Variants in RNF144B observed in about 807,000 individuals in gnomAD.
The protein encoded by RNF144B is ring finger protein 144B.
Under a neutral mutation model 40.2 loss-of-function variants are expected in RNF144B, and 25 were observed. The observed-to-expected ratio is 0.62, with a 90% confidence interval of 0.45 to 0.87. The LOEUF is 0.87. RNF144B is among the 40% of genes least tolerant of loss of function. RNF144B has a pLI of 0.00. For synonymous variants in RNF144B, 145 were observed against 136.3 expected (o/e 1.06, Z -0.44); for missense variants, 365 against 373.7 (o/e 0.98, Z 0.19).
chr6:18,411,590 G>C (rs914126034), intron 2 of RNF144B, among the ~76,000 whole-genome samples: 15 of 124,424 alleles, frequency 1.2e-4, no homozygotes, highest in African/African-American at 4.7e-4. Context: ...TGCAATCTCT[G>C]CCTCCTGGGT....
chr6:18,429,553 C>A (rs1758646823), intron 3 of RNF144B, among the ~76,000 whole-genome samples: 2 of 151,828 alleles, frequency 1.3e-5, no homozygotes, highest in African/African-American at 2.4e-5. Flanking sequence ...TTAAGAAAAT[C>A]ATGGAATAAC....
At position 18,391,910 on chromosome 6, in the gene RNF144B, T is replaced by C. The variant is rs115737325; in HGVS notation, c.-37+4280T>C. Among the ~76,000 whole-genome samples the C allele has an allele frequency of 2.1e-3, 305 of 144,312 alleles. 1 individual carries two copies. Among genetic ancestry groups the C allele is most frequent in the African/African-American group, 7.0e-3 (270 of 38,684 alleles). 94.7% of individuals were successfully genotyped at this position (144,312 alleles called of 152,430 possible). A position where few individuals can be genotyped will look rare whatever the true frequency, so the allele number is the denominator to read the frequency against. ...AGTTTGCAAATGTTAAAACTAGATG[T>C]GCCAAGGGCCAGGCGCGGTGACTTA... On this transcript the variant is annotated intron_variant, in intron 1 of 7. Coordinates refer to ENST00000259939, the MANE Select transcript of RNF144B (RefSeq NM_182757.4).
Position 18,423,265 on chromosome 6 carries a change from C to T in RNF144B, c.166-4316C>T, listed in dbSNP as rs1472505659. Among the ~76,000 whole-genome samples, 3 of 152,004 alleles carry T rather than the reference C, an allele frequency of 2.0e-5. No homozygotes were observed. In the South Asian group the frequency reaches 6.2e-4, roughly 32 times the overall value. On this transcript the variant is annotated intron_variant, in intron 2 of 7. Transcript: ENST00000259939. ...TAGCTAGAGAGGTTAATGACTGGCT[C>T]AAGATGTAGAGGAGACTTTAGAGCT...
At chr6:18,439,553 A>G in intron 3 of RNF144B, 131 bp from the exon 4 acceptor site, 1 of 653,588 alleles carries the variant, frequency 1.5e-6, no homozygotes, top group Non-Finnish European at 2.8e-6. Flanking sequence ...AACAGTGTGG[A>G]GAAAAAGAGG....
rs71536790 is a variant in RNF144B, at chr6:18,405,150, T to TTTATTATTATTA, written c.165+5466_165+5477dup. 0.16 allele frequency among the ~76,000 whole-genome samples: 23,081 copies of TTTATTATTATTA among 146,062 alleles called. 1,823 individuals are homozygous for TTTATTATTATTA. The highest frequency in any genetic ancestry group is 0.18 in the African/African-American group (7,081 of 39,804). On this transcript the variant is annotated intron_variant, in intron 2 of 7. Coordinates refer to ENST00000259939, the MANE Select transcript of RNF144B (RefSeq NM_182757.4). The surrounding 1 kb of genome is among the most constrained non-coding windows in gnomAD (Gnocchi z 4.5). ...CTTGCTTGCAAGGTTAGTTTTTTTCTTTATTATTATTATTATTATTATTAT... is the reference window on the plus strand; with the variant it reads ...CTTGCTTGCAAGGTTAGTTTTTTTCTTTATTATTATTATTATTATTATTATTATTATTATTAT...
At chr6:18,387,838 T>A (rs1794492265) in intron 1 of RNF144B, among the ~76,000 whole-genome samples, 1 of 152,336 alleles carries the variant, frequency 6.6e-6, no homozygotes, top group African/African-American at 2.4e-5. Context: ...TAAAGGAAAG[T>A]AGTTTCATTT....
intron 2 of RNF144B, among the ~76,000 whole-genome samples, chr6:18,423,924 CT>C (rs1183543168): frequency 6.6e-6 from 1 of 152,040 alleles, no homozygotes; most frequent in Admixed American, 6.6e-5. Flanking sequence ...AATTTGTTAC[CT>C]GTTAAGAAAA....
At chr6:18,455,040 A>G (rs988201189) in intron 4 of RNF144B, among the ~76,000 whole-genome samples, 1 of 152,242 alleles carries the variant, frequency 6.6e-6, no homozygotes, top group African/African-American at 2.4e-5. Context: ...ACTCTAAGTT[A>G]CATACTAACC....
rs1795149242 is a variant in RNF144B, at chr6:18,416,365, AT to A, written c.166-11212del. On this transcript the variant is annotated intron_variant, in intron 2 of 7. Coordinates refer to ENST00000259939, the MANE Select transcript of RNF144B (RefSeq NM_182757.4). This position sits in a 1 kb window ranked among gnomAD's most constrained non-coding sequence, Gnocchi z 5.5. ...ACTGCTCTGATTGGAATGTTCTTCC[AT>A]TTTAGCAAATTTGTTTGGCTTTCTT... is the stretch of plus-strand genomic sequence containing the variant. Among the ~76,000 whole-genome samples the A allele has an allele frequency of 6.6e-6, 1 of 152,210 alleles. No individual in the cohort carries two copies. The highest frequency in any genetic ancestry group is 2.4e-5 in the African/African-American group (1 of 41,452).
In RNF144B at chr6:18,450,550, C is replaced by T. The variant is rs113732745; in HGVS notation, c.332-6605C>T. Among the ~76,000 whole-genome samples, 148 of 152,224 alleles carry T rather than the reference C, an allele frequency of 9.7e-4. No homozygotes were observed. The highest frequency in any genetic ancestry group is 3.3e-3 in the African/African-American group (139 of 41,536). ...CTGACCTCAGGTGATCCACCCACCTCGGCCTCCCAAAGTGCTAGGATTACA... is the reference window on the plus strand; with the variant it reads ...CTGACCTCAGGTGATCCACCCACCTTGGCCTCCCAAAGTGCTAGGATTACA... On this transcript the variant is annotated intron_variant, in intron 4 of 7. Coordinates refer to ENST00000259939, the MANE Select transcript of RNF144B (RefSeq NM_182757.4). This position sits in a 1 kb window ranked among gnomAD's most constrained non-coding sequence, Gnocchi z 4.7.
intron 3 of RNF144B, 128 bp from the exon 4 acceptor site, chr6:18,439,556 A>C (rs1211424985): frequency 3.0e-6 from 2 of 667,288 alleles, no homozygotes; most frequent in African/African-American, 3.6e-5. Context: ...AGTGTGGAGA[A>C]AAAGAGGTTT....
At position 18,400,443 on chromosome 6, in the gene RNF144B, A is replaced by G. The variant is rs1269904510; in HGVS notation, c.165+744A>G. On this transcript the variant is annotated intron_variant, in intron 2 of 7. Coordinates refer to ENST00000259939, the MANE Select transcript of RNF144B (RefSeq NM_182757.4). The surrounding 1 kb of genome is among the most constrained non-coding windows in gnomAD (Gnocchi z 5.6). ...TACATGATATAAATTGTACTTTGTC[A>G]TAGCTCCTTTTATGCTGTTTTCACA... Among the ~76,000 whole-genome samples the G allele has an allele frequency of 6.6e-6, 1 of 152,160 alleles. No individual in the cohort carries two copies. Among genetic ancestry groups the G allele is most frequent in the Non-Finnish European group, 1.5e-5 (1 of 68,012 alleles).
rs1338932996 is a variant in RNF144B, at chr6:18,450,832, A to C, written c.332-6323A>C. On this transcript the variant is annotated intron_variant, in intron 4 of 7. Coordinates refer to ENST00000259939, the MANE Select transcript of RNF144B (RefSeq NM_182757.4). The surrounding 1 kb of genome is among the most constrained non-coding windows in gnomAD (Gnocchi z 4.7). ...TACAGCTTCTAAATGCTGCCTGCAA[A>C]GTTGCTACCTCAGGGATTTTTTAAA... 6.6e-6 allele frequency among the ~76,000 whole-genome samples: 1 copy of C among 152,192 alleles called. No individual in the cohort carries two copies. The highest frequency in any genetic ancestry group is 6.5e-5 in the Admixed American group (1 of 15,280).
At chr6:18,435,281 T>C (rs941288913) in intron 3 of RNF144B, among the ~76,000 whole-genome samples, 2 of 152,220 alleles carry the variant, frequency 1.3e-5, no homozygotes, top group Non-Finnish European at 2.9e-5. Flanking sequence ...TAGTGGTCTC[T>C]TGATAGCTGA....
intron 2 of RNF144B, among the ~76,000 whole-genome samples, chr6:18,407,948 T>C (rs1794946131): frequency 6.6e-6 from 1 of 150,656 alleles, no homozygotes; most frequent in African/African-American, 2.4e-5. Context: ...AAATGGTGGC[T>C]TGGTTTGGAA....
At chr6:18,427,438 C>A in intron 2 of RNF144B, 143 bp from the exon 3 acceptor site, 1 of 554,958 alleles carries the variant, frequency 1.8e-6, no homozygotes, top group Non-Finnish European at 3.2e-6. Context: ...TCTTAGTATT[C>A]ACACTTGTGA....
rs1795222803 is a variant in RNF144B, at chr6:18,419,954, G to C, written c.166-7627G>C. 6.6e-6 allele frequency among the ~76,000 whole-genome samples: 1 copy of C among 152,150 alleles called. No homozygotes were observed. The highest frequency in any genetic ancestry group is 1.5e-5 in the Non-Finnish European group (1 of 68,030). ...TAATGAATAGGTAAATTTCCTGAAA[G>C]GCAGGAGGAGATGGGAACCAGAAAA... On this transcript the variant is annotated intron_variant, in intron 2 of 7. Coordinates refer to ENST00000259939, the MANE Select transcript of RNF144B (RefSeq NM_182757.4). This position sits in a 1 kb window ranked among gnomAD's most constrained non-coding sequence, Gnocchi z 4.6.
chr6:18,428,527 C>T (rs1300951818), intron 3 of RNF144B, among the ~76,000 whole-genome samples: 1 of 151,896 alleles, frequency 6.6e-6, no homozygotes, highest in Non-Finnish European at 1.5e-5. Flanking sequence ...TGTTCAATCA[C>T]CGGTTATTGG....
In RNF144B at chr6:18,425,221, T is replaced by C. The variant is rs1758522250; in HGVS notation, c.166-2360T>C. 2.6e-5 allele frequency among the ~76,000 whole-genome samples: 4 copies of C among 152,212 alleles called. No individual in the cohort carries two copies. Among genetic ancestry groups the C allele is most frequent in the African/African-American group, 9.7e-5 (4 of 41,446 alleles). On this transcript the variant is annotated intron_variant, in intron 2 of 7. Transcript: ENST00000259939. The surrounding 1 kb of genome is among the most constrained non-coding windows in gnomAD (Gnocchi z 4.2). ...CCAGGTGTTAGGATCTGAAGTTCTTTGCATTGTTCACTTTGTTTTCCTCAA... is the reference window on the plus strand; with the variant it reads ...CCAGGTGTTAGGATCTGAAGTTCTTCGCATTGTTCACTTTGTTTTCCTCAA...
Sources: allele counts gnomAD v4.1 joint callset (sites outside exome capture counted in the v4.1 genomes callset), GRCh38; gene constraint gnomAD v4.1.1; non-coding constraint Gnocchi (gnomAD v3.1); transcripts MANE v1.5; gene names NCBI Gene and HGNC (gene_info 2026-07-23, HGNC 2026-07-21).